Variants in ZCWPW2 observed in about 807,000 individuals in gnomAD.
ZCWPW2 encodes the protein zinc finger CW-type PWWP domain protein 2.
ZCWPW2 carries 45 observed loss-of-function variants against 46.6 expected under a neutral mutation model. That is an observed-to-expected ratio of 0.96 (90% CI 0.76 to 1.24). The LOEUF (loss-of-function observed/expected upper bound fraction) is 1.24, where lower values mean the gene tolerates loss of function less well. Among genes scored for constraint, ZCWPW2 ranks in the 50% most tolerant of loss-of-function variants. The pLI, the probability that ZCWPW2 is intolerant of heterozygous loss-of-function variation, is 0.00. For missense variants in ZCWPW2, 429 were observed against 403.9 expected (o/e 1.06, Z -0.53); for synonymous variants, 152 against 137.1 (o/e 1.11, Z -0.76).
rs146751073 is a variant in ZCWPW2 at position 28,470,866 on chromosome 3, T to G, written c.493-7948T>G. Reference sequence around the variant, plus strand: ...AAAATTGACAAACCTTTAGCCAGATTAACTAAGAAAAAAAGAGATAAGACC... The same window carrying G: ...AAAATTGACAAACCTTTAGCCAGATGAACTAAGAAAAAAAGAGATAAGACC... On this transcript the variant is annotated intron_variant, in intron 4 of 9. Coordinates refer to ENST00000383768, the MANE Select transcript of ZCWPW2 (RefSeq NM_001040432.4). Among the ~76,000 whole-genome samples, 205 of 151,680 alleles carry G rather than the reference T, an allele frequency of 1.4e-3. 1 individual carries two copies. Among genetic ancestry groups the G allele is most frequent in the Middle Eastern group, 6.8e-3 (2 of 294 alleles).
rs150031271 is a variant in ZCWPW2 at position 28,435,629 on chromosome 3, G to A, written c.492+360G>A. On this transcript the variant is annotated intron_variant, in intron 4 of 9. Transcript: ENST00000383768. ...GCCTCCCACGTAGCTGGGACTACAG[G>A]TGCCCGCCACCATGCACGGCTAATT... Among the ~76,000 whole-genome samples the A allele has an allele frequency of 2.0e-4, 31 of 151,852 alleles. 1 individual carries two copies. The highest frequency in any genetic ancestry group is 1.2e-3 in the South Asian group (6 of 4,810).
chr3:28,365,374 G>C lies in ZCWPW2; in HGVS notation c.-134+16171G>C, dbSNP rs560034893. Among the ~76,000 whole-genome samples, 26 of 141,092 alleles carry C rather than the reference G, an allele frequency of 1.8e-4. 3 individuals are homozygous for C. Among genetic ancestry groups the C allele is most frequent in the East Asian group, 5.9e-4 (3 of 5,118 alleles). The allele number at this position is 141,092 out of a possible 152,430, so 92.6% of individuals were successfully genotyped here. ...TTCAGCTTTTACATATGGCTAGCCA[G>C]TTTTCCCAGCACCATTTATTAAATA... On this transcript the variant is annotated intron_variant, in intron 1 of 9. Coordinates refer to ENST00000383768, the MANE Select transcript of ZCWPW2 (RefSeq NM_001040432.4).
At chr3:28,439,162 T>C (rs1257551629) in intron 4 of ZCWPW2, among the ~76,000 whole-genome samples, 8 of 143,584 alleles carry the variant, frequency 5.6e-5, no homozygotes, top group Non-Finnish European at 9.3e-5. Context: ...TATATATATA[T>C]ACCTACATAT....
chr3:28,447,889 G>T (rs1390739824), intron 4 of ZCWPW2: 2 of 916,298 alleles, frequency 2.2e-6, no homozygotes, highest in Non-Finnish European at 3.5e-6. Context: ...ACTTAGAGGG[G>T]TTCGTGCTGT....
At chr3:28,464,427 A>G (rs1252579520) in intron 4 of ZCWPW2, among the ~76,000 whole-genome samples, 1 of 152,036 alleles carries the variant, frequency 6.6e-6, no homozygotes, top group Non-Finnish European at 1.5e-5. Context: ...CAACCAACTA[A>G]AAAAAAGACA....
At chr3:28,466,752 T>C (rs927005889) in intron 4 of ZCWPW2, among the ~76,000 whole-genome samples, 3 of 152,224 alleles carry the variant, frequency 2.0e-5, no homozygotes, top group East Asian at 1.9e-4. Context: ...TGAGCCGAGA[T>C]TGCACCACTG....
intron 8 of ZCWPW2, among the ~76,000 whole-genome samples, chr3:28,518,280 G>A: frequency 6.8e-6 from 1 of 146,080 alleles, no homozygotes. Flanking sequence ...ACAATAAATT[G>A]AAACAAGTCA....
chr3:28,389,129 G>A (rs959478478), intron 1 of ZCWPW2, among the ~76,000 whole-genome samples: 2 of 152,096 alleles, frequency 1.3e-5, no homozygotes, highest in Non-Finnish European at 2.9e-5. Flanking sequence ...CCTCTAGGCC[G>A]ACAGAGCATG....
Position 28,455,586 on chromosome 3 carries a change from GT to G in ZCWPW2, c.492+20327del, listed in dbSNP as rs769735245. Among the ~76,000 whole-genome samples, 88 of 149,150 alleles carry G rather than the reference GT, an allele frequency of 5.9e-4. 1 individual carries two copies. The East Asian group carries it at 0.012, about 20-fold the overall frequency. ...CCTATGTTCTGAATGGTATTGCCTA[GT>G]TTTTTTTTTCCAGTGTTTTTATAGT... is the stretch of plus-strand genomic sequence containing the variant. On this transcript the variant is annotated intron_variant, in intron 4 of 9. Transcript: ENST00000383768.
intron 1 of ZCWPW2, among the ~76,000 whole-genome samples, chr3:28,357,776 A>G (rs1175024602): frequency 3.4e-5 from 5 of 147,710 alleles, no homozygotes; most frequent in African/African-American, 1.3e-4. Context: ...ATATATACAT[A>G]TAATATATAG....
intron 1 of ZCWPW2, among the ~76,000 whole-genome samples, chr3:28,383,511 A>G (rs1221147087): frequency 6.6e-6 from 1 of 152,080 alleles, no homozygotes; most frequent in Non-Finnish European, 1.5e-5. Flanking sequence ...TGAAGGTTTT[A>G]CCTGTGTAAA....
intron 6 of ZCWPW2, 33 bp from the exon 7 acceptor site, chr3:28,514,031 G>A (rs781701381): frequency 4.8e-5 from 70 of 1,461,214 alleles, no homozygotes; most frequent in East Asian, 7.5e-5. Context: ...AGTCCTATAT[G>A]AACTAACTCA....
chr3:28,469,733 A>G lies in ZCWPW2; in HGVS notation c.493-9081A>G, dbSNP rs1244441759. On this transcript the variant is annotated intron_variant, in intron 4 of 9. Coordinates refer to ENST00000383768, the MANE Select transcript of ZCWPW2 (RefSeq NM_001040432.4). The stretch of plus-strand genomic sequence containing the variant: ...GTGTGTATATATATATGATATATAT[A>G]TGTATATATATATGCACCCAACACT... Among the ~76,000 whole-genome samples, 7 of 151,450 alleles carry G rather than the reference A, an allele frequency of 4.6e-5. No homozygotes were observed. In the South Asian group the frequency reaches 6.2e-4, roughly 13 times the overall value.
At chr3:28,434,361 A>G (rs1697396217) in intron 3 of ZCWPW2, among the ~76,000 whole-genome samples, 1 of 152,192 alleles carries the variant, frequency 6.6e-6, no homozygotes, top group Admixed American at 6.5e-5. Context: ...AACCAAATAC[A>G]ACAAAAAAAA....
At chr3:28,422,467 G>T (rs994779815) in intron 3 of ZCWPW2, among the ~76,000 whole-genome samples, 3 of 152,094 alleles carry the variant, frequency 2.0e-5, no homozygotes, top group Non-Finnish European at 4.4e-5. Flanking sequence ...AGTTGAGATT[G>T]TATAGTATTT....
At chr3:28,479,220 G>T (rs1416559551) in intron 5 of ZCWPW2, among the ~76,000 whole-genome samples, 1 of 152,008 alleles carries the variant, frequency 6.6e-6, no homozygotes, top group Non-Finnish European at 1.5e-5. Flanking sequence ...ATGCCCTTGT[G>T]TATTTCAAAG....
intron 4 of ZCWPW2, among the ~76,000 whole-genome samples, chr3:28,474,586 C>T (rs998561277): frequency 2.9e-5 from 4 of 136,170 alleles, no homozygotes; most frequent in African/African-American, 1.2e-4. Flanking sequence ...TTAAATACAG[C>T]GTGTGTGTGT....
intron 1 of ZCWPW2, among the ~76,000 whole-genome samples, chr3:28,388,500 T>G (rs13090439): frequency 0.28 from 42,533 of 152,114 alleles, 6,150 homozygotes; most frequent in Middle Eastern, 0.33. Context: ...TGTGATGTTT[T>G]CCCTTTTCCT....
intron 1 of ZCWPW2, among the ~76,000 whole-genome samples, chr3:28,367,204 T>C (rs1406172101): frequency 1.3e-5 from 2 of 152,188 alleles, no homozygotes; most frequent in Admixed American, 1.3e-4. Context: ...ATGTGTTTGC[T>C]CTTGCTTCTC....
Sources: allele counts gnomAD v4.1 joint callset (sites outside exome capture counted in the v4.1 genomes callset), GRCh38; gene constraint gnomAD v4.1.1; transcripts MANE v1.5; gene names NCBI Gene and HGNC (gene_info 2026-07-23, HGNC 2026-07-21).